SAMD5: variants seen among roughly 807,000 people sequenced by gnomAD.
SAMD5 encodes the protein sterile alpha motif domain containing 5.
Under a neutral mutation model 11.3 loss-of-function variants are expected in SAMD5, and 13 were observed. That is an observed-to-expected ratio of 1.15 (90% CI 0.75 to 1.83). SAMD5 has a LOEUF of 1.83. Ranked by LOEUF, SAMD5 falls within the 40% of genes most tolerant of loss-of-function variation. The pLI is 0.00. For missense variants in SAMD5, 255 were observed against 239.1 expected, an observed-to-expected ratio of 1.07 and a Z score of -0.44; for synonymous variants, 129 against 111.3, an observed-to-expected ratio of 1.16 and a Z score of -1.00.
At chr6:147,654,779 CAAA>C (rs5880724) in intron 1 of SAMD5, among the ~76,000 whole-genome samples, 4 of 147,376 alleles carry the variant, frequency 2.7e-5, no homozygotes, top group Non-Finnish European at 4.5e-5. Context: ...ATCTTTTTCT[CAAA>C]AAAAAAAAAA....
chr6:147,527,084 G>T (rs1484469645), intron 1 of SAMD5, among the ~76,000 whole-genome samples: 1 of 152,156 alleles, frequency 6.6e-6, no homozygotes, highest in Non-Finnish European at 1.5e-5. Context: ...GCTTTGGATT[G>T]AAAAGCTTTG....
At chr6:147,655,434 T>A (rs141838063) in intron 1 of SAMD5, among the ~76,000 whole-genome samples, 1 of 152,222 alleles carries the variant, frequency 6.6e-6, no homozygotes, top group Non-Finnish European at 1.5e-5. Flanking sequence ...TATTTATGCA[T>A]GTATATCCAC....
chr6:147,650,428 T>TG (rs1165073990), intron 1 of SAMD5, among the ~76,000 whole-genome samples: 1 of 152,150 alleles, frequency 6.6e-6, no homozygotes, highest in Non-Finnish European at 1.5e-5. Context: ...TTGGGGAAAC[T>TG]GCAAAAGGCC....
At chr6:147,545,459 C>A (rs572615998) in intron 1 of SAMD5, among the ~76,000 whole-genome samples, 1 of 152,122 alleles carries the variant, frequency 6.6e-6, no homozygotes, top group Non-Finnish European at 1.5e-5. Context: ...TCCTTCTCCA[C>A]ACTAAACAAA....
intron 1 of SAMD5, among the ~76,000 whole-genome samples, chr6:147,657,732 C>T (rs1050048805): frequency 6.6e-6 from 1 of 152,182 alleles, no homozygotes; most frequent in Non-Finnish European, 1.5e-5. Context: ...TCGCTCCGCC[C>T]TCACATGGTA....
At chr6:147,737,250 T>C in intron 1 of SAMD5, 7 of 956,526 alleles carry the variant, frequency 7.3e-6, no homozygotes, top group Non-Finnish European at 8.2e-6. Flanking sequence ...CCCTTCACCG[T>C]GCTTTTTCAC....
At chr6:147,598,825 A>G (rs1051743085) in intron 1 of SAMD5, among the ~76,000 whole-genome samples, 2 of 152,206 alleles carry the variant, frequency 1.3e-5, no homozygotes, top group South Asian at 4.1e-4. Context: ...TCCCAAGTGC[A>G]TGAAGTTGGG....
the SAMD5 span, among the ~76,000 whole-genome samples, chr6:147,911,058 A>T: frequency 2.6e-5 from 4 of 152,192 alleles, no homozygotes; most frequent in Non-Finnish European, 5.9e-5. Context: ...TTCGTCCTTG[A>T]CTTAGCCTGT....
chr6:147,788,501 T>C, the SAMD5 span, among the ~76,000 whole-genome samples: 1 of 152,348 alleles, frequency 6.6e-6, no homozygotes, highest in East Asian at 1.9e-4. Flanking sequence ...AAAATACAAA[T>C]ATTTTTCTTT....
chr6:147,771,463 A>C, the SAMD5 span, among the ~76,000 whole-genome samples: 1 of 152,172 alleles, frequency 6.6e-6, no homozygotes. Flanking sequence ...CATAACTCAT[A>C]AAGCATGTCA....
At chr6:147,601,026 T>C (rs1262459355) in intron 1 of SAMD5, among the ~76,000 whole-genome samples, 1 of 152,210 alleles carries the variant, frequency 6.6e-6, no homozygotes, top group East Asian at 1.9e-4. Context: ...GACTGAACTA[T>C]GATTATTTTA....
intron 1 of SAMD5, among the ~76,000 whole-genome samples, chr6:147,705,218 G>A (rs2128458134): frequency 6.6e-6 from 1 of 152,242 alleles, no homozygotes; most frequent in South Asian, 2.1e-4. Flanking sequence ...CCCTTGGAAA[G>A]TTAATATTAT....
At chr6:147,586,725 T>C (rs1789380161) in intron 1 of SAMD5, among the ~76,000 whole-genome samples, 1 of 151,614 alleles carries the variant, frequency 6.6e-6, no homozygotes, top group Non-Finnish European at 1.5e-5. Flanking sequence ...AAATGACACA[T>C]GGGATATGGA....
chr6:147,596,672 CA>C (rs1789536294), intron 1 of SAMD5, among the ~76,000 whole-genome samples: 1 of 152,178 alleles, frequency 6.6e-6, no homozygotes, highest in African/African-American at 2.4e-5. Flanking sequence ...GAATGATAAA[CA>C]TCACTTAGAT....
chr6:147,871,157 C>T, the SAMD5 span, among the ~76,000 whole-genome samples: 5 of 152,128 alleles, frequency 3.3e-5, no homozygotes, highest in African/African-American at 1.2e-4. Flanking sequence ...TTAATACAAA[C>T]CAAATCTAAA....
At chr6:147,600,593 T>C (rs562682728) in intron 1 of SAMD5, among the ~76,000 whole-genome samples, 137 of 152,328 alleles carry the variant, frequency 9.0e-4, no homozygotes, top group Middle Eastern at 3.4e-3. Flanking sequence ...ACATATCTAT[T>C]CTTGGAGTAC....
At chr6:147,846,792 C>A in the SAMD5 span, among the ~76,000 whole-genome samples, 10 of 152,144 alleles carry the variant, frequency 6.6e-5, no homozygotes, top group Non-Finnish European at 1.3e-4. Context: ...TGCACTCTAG[C>A]CTGGGTGACA....
At chr6:147,716,608 G>A (rs73787386) in intron 1 of SAMD5, among the ~76,000 whole-genome samples, 3,375 of 152,310 alleles carry the variant, frequency 0.022, 111 homozygotes, top group African/African-American at 0.078. Flanking sequence ...TAAGGAGGTG[G>A]GGCTTCCACC....
intron 1 of SAMD5, among the ~76,000 whole-genome samples, chr6:147,582,457 C>A (rs764849385): frequency 1.3e-5 from 2 of 152,110 alleles, no homozygotes; most frequent in Non-Finnish European, 2.9e-5. Context: ...ATCTAAGAGT[C>A]TATATATTCC....
Sources: gnomAD v4.1 joint callset for allele counts (sites outside exome capture counted in the v4.1 genomes callset) on GRCh38, gnomAD v4.1.1 for gene constraint, MANE v1.5 for transcripts, NCBI Gene and HGNC (gene_info 2026-07-23, HGNC 2026-07-21) for gene names.